Variants in SCHIP1 observed in about 807,000 individuals in gnomAD.
The protein encoded by SCHIP1 is schwannomin-interacting protein 1.
Under a neutral mutation model 29.7 loss-of-function variants are expected in SCHIP1, and 8 were observed. The observed-to-expected ratio is 0.27, with a 90% CI of 0.16 to 0.49. The LOEUF (loss-of-function observed/expected upper bound fraction) is 0.49, where lower values mean the gene tolerates loss of function less well. Among genes scored for constraint, SCHIP1 ranks in the 20% least tolerant of loss-of-function variants. The probability of loss-of-function intolerance (pLI) is 0.99; values close to 1 mark genes in which losing one functional copy is unlikely to be tolerated. For synonymous variants in SCHIP1, 76 were observed against 94.9 expected (o/e 0.80, Z 1.16); for missense variants, 193 against 294.6 (o/e 0.66, Z 2.52).
At chr3:159,708,361 G>A in the SCHIP1 span, among the ~76,000 whole-genome samples, 2 of 152,208 alleles carry the variant, frequency 1.3e-5, no homozygotes, top group Non-Finnish European at 2.9e-5. Context: ...AGGCTAAGTT[G>A]GAGGTCCCCC....
At chr3:159,621,238 C>A in the SCHIP1 span, among the ~76,000 whole-genome samples, 8 of 152,286 alleles carry the variant, frequency 5.3e-5, no homozygotes, top group East Asian at 1.5e-3. Flanking sequence ...CAGGAATCTG[C>A]AAGACTTGTA....
the SCHIP1 span, among the ~76,000 whole-genome samples, chr3:159,305,480 A>G: frequency 1.3e-5 from 2 of 152,130 alleles, no homozygotes; most frequent in Non-Finnish European, 2.9e-5. Context: ...CAGAGAAAGT[A>G]TTGCTCCTTT....
At chr3:159,366,008 GGTT>G in the SCHIP1 span, among the ~76,000 whole-genome samples, 4,131 of 152,218 alleles carry the variant, frequency 0.027, 75 homozygotes, top group East Asian at 0.11. Context: ...CCCAAGACAG[GGTT>G]GTTGTTTATA....
the SCHIP1 span, among the ~76,000 whole-genome samples, chr3:159,528,972 C>T: frequency 1.3e-5 from 2 of 152,138 alleles, no homozygotes; most frequent in African/African-American, 4.8e-5. Flanking sequence ...CAACTTGAGA[C>T]CAGCTACCTG....
the SCHIP1 span, among the ~76,000 whole-genome samples, chr3:159,305,409 C>T: frequency 0.022 from 3,377 of 152,346 alleles, 116 homozygotes; most frequent in African/African-American, 0.077. Flanking sequence ...TTGATCTTCC[C>T]ACTCCATACC....
At chr3:159,487,556 A>G in the SCHIP1 span, among the ~76,000 whole-genome samples, 1 of 152,176 alleles carries the variant, frequency 6.6e-6, no homozygotes, top group Non-Finnish European at 1.5e-5. Context: ...TTCTATCCAA[A>G]TAAGCTTGGC....
chr3:159,585,329 C>T, the SCHIP1 span, among the ~76,000 whole-genome samples: 2 of 152,080 alleles, frequency 1.3e-5, no homozygotes, highest in African/African-American at 4.8e-5. Flanking sequence ...GAATCCATGA[C>T]CTTAAAAGGG....
At chr3:159,694,537 CAAGAAAGA>C in the SCHIP1 span, among the ~76,000 whole-genome samples, 21,247 of 119,162 alleles carry the variant, frequency 0.18, 2,069 homozygotes, top group East Asian at 0.2. Context: ...AAAGAAAAGA[CAAGAAAGA>C]AAGAAAGAAA....
the SCHIP1 span, among the ~76,000 whole-genome samples, chr3:159,800,752 G>A: frequency 6.6e-6 from 1 of 151,286 alleles, no homozygotes; most frequent in African/African-American, 2.4e-5. Context: ...GTATGTGTGC[G>A]AGCTCAGATA....
intron 1 of SCHIP1, among the ~76,000 whole-genome samples, chr3:159,851,165 T>C (rs541248538): frequency 6.6e-6 from 1 of 152,214 alleles, no homozygotes; most frequent in South Asian, 2.1e-4. Context: ...GTCCCTATAC[T>C]ATCTAGTCCC....
At chr3:159,827,781 C>T in the SCHIP1 span, among the ~76,000 whole-genome samples, 4 of 148,326 alleles carry the variant, frequency 2.7e-5, no homozygotes, top group Non-Finnish European at 4.4e-5. Context: ...GTCCGCAGTC[C>T]GGCTTGGGCG....
the SCHIP1 span, chr3:159,401,173 A>G: frequency 2.4e-5 from 23 of 978,112 alleles, 1 homozygote; most frequent in South Asian, 4.7e-4. Flanking sequence ...CTATCTCCAT[A>G]CCCAATAATA....
chr3:159,345,546 GTCTCTCTTTCTC>G, the SCHIP1 span, among the ~76,000 whole-genome samples: 2 of 132,768 alleles, frequency 1.5e-5, no homozygotes, highest in African/African-American at 6.7e-5. Flanking sequence ...TTACAGCAGT[GTCTCTCTTTCTC>G]TCTCTCTCTC....
chr3:159,630,561 T>C, the SCHIP1 span, among the ~76,000 whole-genome samples: 200 of 152,260 alleles, frequency 1.3e-3, no homozygotes, highest in African/African-American at 4.7e-3. Context: ...AGACCCTTAT[T>C]CTAAATGAAG....
the SCHIP1 span, among the ~76,000 whole-genome samples, chr3:159,374,601 T>C: frequency 6.6e-6 from 1 of 152,160 alleles, no homozygotes; most frequent in South Asian, 2.1e-4. Flanking sequence ...CAAAAATTAT[T>C]AAGAATTTAG....
chr3:159,885,259 G>A (rs972229139), intron 2 of SCHIP1, among the ~76,000 whole-genome samples: 5 of 152,140 alleles, frequency 3.3e-5, no homozygotes, highest in African/African-American at 9.7e-5. Flanking sequence ...CTTTTCTTGC[G>A]TAGGAACCTC....
At chr3:159,762,914 C>T in the SCHIP1 span, among the ~76,000 whole-genome samples, 1 of 152,214 alleles carries the variant, frequency 6.6e-6, no homozygotes, top group Non-Finnish European at 1.5e-5. Flanking sequence ...TCTTCCCCTC[C>T]TTTAAGGTCC....
chr3:159,723,066 T>C, the SCHIP1 span, among the ~76,000 whole-genome samples: 8 of 152,296 alleles, frequency 5.3e-5, no homozygotes, highest in Admixed American at 3.9e-4. Context: ...GTAGGTGTTT[T>C]GCAGCCTGTT....
the SCHIP1 span, among the ~76,000 whole-genome samples, chr3:159,429,782 T>G: frequency 6.6e-6 from 1 of 152,086 alleles, no homozygotes; most frequent in Non-Finnish European, 1.5e-5. Flanking sequence ...TGAAATAAAA[T>G]TACCACATAC....
Sources: allele counts gnomAD v4.1 joint callset (sites outside exome capture counted in the v4.1 genomes callset), GRCh38; gene constraint gnomAD v4.1.1; transcripts MANE v1.5; gene names NCBI Gene and HGNC (gene_info 2026-07-23, HGNC 2026-07-21).